NR2F1-AS1: variants seen among roughly 807,000 people sequenced by gnomAD.
The protein encoded by NR2F1-AS1 is NR2F1 regulatory antisense RNA 1.
At chr5:93,481,635 C>G (rs912224790) in intron 4 of NR2F1-AS1, among the ~76,000 whole-genome samples, 1 of 151,968 alleles carries the variant, frequency 6.6e-6, no homozygotes, top group Admixed American at 6.6e-5. Flanking sequence ...GAAACATTCT[C>G]CAGAATAAAC....
At chr5:93,412,974 C>G (rs1411190387) in intron 4 of NR2F1-AS1, among the ~76,000 whole-genome samples, 1 of 151,904 alleles carries the variant, frequency 6.6e-6, no homozygotes, top group Non-Finnish European at 1.5e-5. Context: ...TACACCTAAT[C>G]TTGGCTTCCT....
Position 93,480,392 on chromosome 5 carries a change from C to T in NR2F1-AS1, n.638+73369G>A, listed in dbSNP as rs1052618736. 3.3e-5 allele frequency among the ~76,000 whole-genome samples: 5 copies of T among 151,912 alleles called. No individual in the cohort carries two copies. In the East Asian group the frequency reaches 7.7e-4, roughly 23 times the overall value. On this transcript the variant is annotated intron_variant and non_coding_transcript_variant, in intron 4 of 5. Transcript: ENST00000660523. ...TTAAAATACAGAAAGGGAAAAAATG[C>T]CAACAAGGAATTTATATACAGCAAA...
At chr5:93,481,717 C>T (rs536649136) in intron 4 of NR2F1-AS1, among the ~76,000 whole-genome samples, 3 of 151,798 alleles carry the variant, frequency 2.0e-5, no homozygotes, top group Non-Finnish European at 4.4e-5. Flanking sequence ...TCTTCTACAA[C>T]AACAATGAAA....
intron 4 of NR2F1-AS1, among the ~76,000 whole-genome samples, chr5:93,494,402 T>C (rs1750916836): frequency 1.3e-5 from 2 of 152,148 alleles, no homozygotes; most frequent in Non-Finnish European, 2.9e-5. Context: ...GAGGGCACTT[T>C]GGGATGATCA....
chr5:93,451,594 G>T (rs1056348897), intron 4 of NR2F1-AS1, among the ~76,000 whole-genome samples: 1 of 151,988 alleles, frequency 6.6e-6, no homozygotes, highest in Non-Finnish European at 1.5e-5. Context: ...GTAGAGGGGG[G>T]GTTCTGCCAT....
At chr5:93,577,554 G>T (rs1052643765) in intron 1 of NR2F1-AS1, among the ~76,000 whole-genome samples, 3 of 152,200 alleles carry the variant, frequency 2.0e-5, no homozygotes, top group African/African-American at 4.8e-5. Context: ...GGTTTAGTTT[G>T]TTTGTTTTGG....
chr5:93,442,752 T>A (rs1219479743), intron 4 of NR2F1-AS1, among the ~76,000 whole-genome samples: 1 of 152,178 alleles, frequency 6.6e-6, no homozygotes, highest in Non-Finnish European at 1.5e-5. Context: ...CTGAAGTGGG[T>A]CCCTGACCCC....
chr5:93,551,197 CCT>C (rs1413685024), intron 4 of NR2F1-AS1, among the ~76,000 whole-genome samples: 1 of 151,926 alleles, frequency 6.6e-6, no homozygotes, highest in African/African-American at 2.4e-5. Flanking sequence ...CCAATCTCCT[CCT>C]CTCTCTCCCC....
upstream of NR2F1-AS1, chr5:93,584,216 C>G: frequency 6.7e-6 from 1 of 148,764 alleles, no homozygotes; most frequent in South Asian, 2.0e-4. Flanking sequence ...GCGGCCCCGA[C>G]TCCTGCTCGG....
In NR2F1-AS1 at chr5:93,429,832, C is replaced by G. The variant is rs183166048; in HGVS notation, n.639-34290G>C. On this transcript the variant is annotated intron_variant and non_coding_transcript_variant, in intron 4 of 5. Transcript: ENST00000660523. ...TCCATTTGGAAGGATAATAGACAAA[C>G]CAACAGAATGTCAGGTTTCTGTGAC... Among the ~76,000 whole-genome samples, 122 of 152,232 alleles carry G rather than the reference C, an allele frequency of 8.0e-4. 1 individual carries two copies. Among genetic ancestry groups the G allele is most frequent in the Admixed American group, 6.3e-3 (97 of 15,278 alleles).
chr5:93,538,628 T>C (rs1475022717), intron 4 of NR2F1-AS1, among the ~76,000 whole-genome samples: 1 of 152,202 alleles, frequency 6.6e-6, no homozygotes, highest in Non-Finnish European at 1.5e-5. Context: ...TTCTTATAAT[T>C]TTTCTTTACA....
rs531560175 is a variant in NR2F1-AS1, at chr5:93,576,909, C to A, written n.313+3558G>T. On this transcript the variant is annotated intron_variant and non_coding_transcript_variant, in intron 1 of 5. Coordinates refer to ENST00000660523, the Ensembl canonical transcript of NR2F1-AS1. ...ATTTTCCCTGGAAAGAATAGCCATG[C>A]GGTTTTATTCTTCACTCAAGCTGGG... 3.3e-5 allele frequency among the ~76,000 whole-genome samples: 5 copies of A among 152,246 alleles called. No homozygotes were observed. The South Asian group carries it at 8.3e-4, about 25-fold the overall frequency.
At chr5:93,545,641 T>G (rs933588302) in intron 4 of NR2F1-AS1, among the ~76,000 whole-genome samples, 1 of 152,204 alleles carries the variant, frequency 6.6e-6, no homozygotes, top group Non-Finnish European at 1.5e-5. Context: ...TCTCTCACAC[T>G]TTTACTGCTG....
At chr5:93,413,287 T>C (rs957609167) in intron 4 of NR2F1-AS1, among the ~76,000 whole-genome samples, 5 of 151,526 alleles carry the variant, frequency 3.3e-5, no homozygotes, top group African/African-American at 1.2e-4. Flanking sequence ...TTCCATCCCA[T>C]CTTCTCCTTA....
chr5:93,540,002 T>C (rs1363794977), intron 4 of NR2F1-AS1, among the ~76,000 whole-genome samples: 1 of 152,198 alleles, frequency 6.6e-6, no homozygotes, highest in Non-Finnish European at 1.5e-5. Flanking sequence ...AAGCCTACCA[T>C]GTACAACAAA....
intron 4 of NR2F1-AS1, among the ~76,000 whole-genome samples, chr5:93,535,026 C>T (rs73133282): frequency 0.17 from 26,195 of 151,850 alleles, 3,511 homozygotes; most frequent in African/African-American, 0.38. Flanking sequence ...TAGGAAGCAA[C>T]ATATTTACCA....
intron 4 of NR2F1-AS1, chr5:93,542,783 G>T (rs1026839487): frequency 6.6e-6 from 1 of 152,142 alleles, no homozygotes; most frequent in Non-Finnish European, 1.5e-5. Flanking sequence ...AACATCAAAG[G>T]CAAGGGGTTT....
chr5:93,458,476 C>A (rs1380059871), intron 4 of NR2F1-AS1, among the ~76,000 whole-genome samples: 5 of 151,940 alleles, frequency 3.3e-5, no homozygotes, highest in African/African-American at 1.2e-4. Context: ...TAGACATCCA[C>A]CTTTTATAGT....
intron 4 of NR2F1-AS1, chr5:93,409,587 A>G (rs1210628453): frequency 6.6e-6 from 1 of 152,232 alleles, no homozygotes; most frequent in Non-Finnish European, 1.5e-5. Context: ...CATGCAAACT[A>G]AAAGTGGCAT....
Sources: allele counts gnomAD v4.1 joint callset (sites outside exome capture counted in the v4.1 genomes callset), GRCh38; gene constraint gnomAD v4.1.1; transcripts MANE v1.5; gene names NCBI Gene and HGNC (gene_info 2026-07-23, HGNC 2026-07-21).